Variants in GBP7 observed in about 807,000 individuals in gnomAD.
GBP7 encodes the protein guanylate binding protein 7.
GBP7 carries 43 observed loss-of-function variants against 61.3 expected under a neutral mutation model. The observed-to-expected ratio is 0.70, with a 90% CI of 0.55 to 0.91. GBP7 has a LOEUF of 0.91. Among genes scored for constraint, GBP7 ranks in the 40% least tolerant of loss-of-function variants. GBP7 has a pLI of 0.00. For missense variants in GBP7, 717 were observed against 740.5 expected (o/e 0.97, Z 0.37); for synonymous variants, 267 against 271.0 (o/e 0.99, Z 0.14).
chr1:89,152,226 C>G (rs1268505118), intron 5 of GBP7, 42 bp downstream of exon 5: 1 of 1,578,696 alleles, frequency 6.3e-7, no homozygotes, highest in South Asian at 1.1e-5. Context: ...GTTGATCCCA[C>G]CCGCTACTGA....
chr1:89,139,540 T>C (rs903399437), intron 9 of GBP7, among the ~76,000 whole-genome samples: 1 of 152,168 alleles, frequency 6.6e-6, no homozygotes, highest in Non-Finnish European at 1.5e-5. Flanking sequence ...TTTTGCAACC[T>C]ACTCATCTGA....
chr1:89,162,389 T>C (rs1261272731), intron 3 of GBP7, among the ~76,000 whole-genome samples: 2 of 152,234 alleles, frequency 1.3e-5, no homozygotes, highest in Non-Finnish European at 2.9e-5. Context: ...TTTAACAATA[T>C]TGATTCTGTC....
intron 3 of GBP7, among the ~76,000 whole-genome samples, chr1:89,157,034 C>T (rs1018906080): frequency 3.9e-5 from 6 of 152,172 alleles, no homozygotes; most frequent in African/African-American, 1.4e-4. Flanking sequence ...CAAACTAGAA[C>T]TCAGGATTAA....
In GBP7 at chr1:89,149,482, C is replaced by G. The variant is rs750432210; in HGVS notation, c.962G>C (p.Cys321Ser). Reference protein sequence around the residue: ...LENAMAVLAQCENSAAVQRAA... With the variant: ...LENAMAVLAQSENSAAVQRAA... ...CCTCTGCACGGCTGCTGAGTTCTCA[C>G]ACTGGGCCAGAACTGCCATTGCATT... Residue 321 changes from cysteine (C) to serine (S), a missense_variant, in exon 7 of 11, where the codon TGT becomes TCT. Coordinates refer to ENST00000294671, the MANE Select transcript of GBP7 (RefSeq NM_207398.3). 1 of 1,614,052 alleles carries G rather than the reference C, an allele frequency of 6.2e-7. No homozygotes were observed. Among genetic ancestry groups the G allele is most frequent in the Non-Finnish European group, 8.5e-7 (1 of 1,180,042 alleles).
chr1:89,168,657 A>G (rs1279824775), intron 2 of GBP7, among the ~76,000 whole-genome samples: 1 of 152,068 alleles, frequency 6.6e-6, no homozygotes, highest in African/African-American at 2.4e-5. Context: ...CAAACTGGCC[A>G]GGTGTGGTGG....
At chr1:89,150,671 C>T in intron 5 of GBP7, 96 bp from the exon 6 acceptor site, 1 of 1,239,200 alleles carries the variant, frequency 8.1e-7, no homozygotes, top group Non-Finnish European at 1.1e-6. Context: ...TCACTACAGT[C>T]TCTTGTGTCT....
chr1:89,157,898 A>G (rs750718509), intron 3 of GBP7, among the ~76,000 whole-genome samples: 1 of 152,208 alleles, frequency 6.6e-6, no homozygotes, highest in Non-Finnish European at 1.5e-5. Flanking sequence ...GGGCAGAGAC[A>G]CAACAGCAAA....
At chr1:89,172,661 C>T (rs72728722) in intron 1 of GBP7, among the ~76,000 whole-genome samples, 2,385 of 152,188 alleles carry the variant, frequency 0.016, 30 homozygotes, top group Non-Finnish European at 0.025. Context: ...TGCTTGCTGC[C>T]AGATTTCGCC....
chr1:89,147,826 G>T (rs1682104019), intron 7 of GBP7, 47 bp from the exon 8 acceptor site: 1 of 1,591,694 alleles, frequency 6.3e-7, no homozygotes, highest in East Asian at 2.2e-5. Context: ...GCTGTTAGAA[G>T]GGAAGGTCCA....
intron 5 of GBP7, 21 bp from the exon 6 acceptor site, chr1:89,150,596 T>C (rs776985741): frequency 1.9e-6 from 3 of 1,611,944 alleles, no homozygotes; most frequent in Non-Finnish European, 2.5e-6. Flanking sequence ...AGTGAAAAAG[T>C]GACTACTGAA....
chr1:89,155,066 A>G (rs1682282971), intron 3 of GBP7, among the ~76,000 whole-genome samples: 1 of 152,228 alleles, frequency 6.6e-6, no homozygotes, highest in Non-Finnish European at 1.5e-5. Context: ...TGCAGCCTCC[A>G]CTGGTGATAC....
intron 9 of GBP7, among the ~76,000 whole-genome samples, chr1:89,138,544 G>C (rs1448034626): frequency 5.1e-4 from 78 of 152,240 alleles, no homozygotes; most frequent in Non-Finnish European, 3.2e-4. Context: ...ACAACTATCT[G>C]ATCTTTGGTA....
rs1337620164 is a variant in GBP7, at chr1:89,141,440, T to C, written c.1468+106A>G. 8 of 895,960 alleles carry C rather than the reference T, an allele frequency of 8.9e-6. No homozygotes were observed. In the East Asian group the frequency reaches 1.8e-4, roughly 20 times the overall value. 55.5% of individuals were successfully genotyped at this position (895,960 alleles called of 1,614,324 possible). On this transcript the variant is annotated intron_variant, in intron 9 of 10. Coordinates refer to ENST00000294671, the MANE Select transcript of GBP7 (RefSeq NM_207398.3). ...CAGTTTTAGCAGAGCATGTGTTCCC[T>C]ATGAGAAGAAAGCTCCTGGTATAAG...
Position 89,150,604 on chromosome 1 carries a change from G to A in GBP7, c.626-29C>T. 5.6e-6 allele frequency: 9 copies of A among 1,609,948 alleles called. No individual in the cohort carries two copies. The South Asian group carries it at 6.6e-5, about 12-fold the overall frequency. ...CAGAATTAGTGAAAAAGTGACTACTGAAGAACAGGTTTTAAGTGAGCCTGA... is the reference window on the plus strand; with the variant it reads ...CAGAATTAGTGAAAAAGTGACTACTAAAGAACAGGTTTTAAGTGAGCCTGA... On this transcript the variant is annotated intron_variant, in intron 5 of 10. Transcript: ENST00000294671.
At chr1:89,165,360 C>T (rs1484906489) in intron 2 of GBP7, among the ~76,000 whole-genome samples, 1 of 152,036 alleles carries the variant, frequency 6.6e-6, no homozygotes, top group Non-Finnish European at 1.5e-5. Context: ...ATTAGCCAGG[C>T]ATGGTCGTGC....
At chr1:89,163,815 G>T (rs999506317) in intron 3 of GBP7, among the ~76,000 whole-genome samples, 1 of 151,416 alleles carries the variant, frequency 6.6e-6, no homozygotes, top group Non-Finnish European at 1.5e-5. Context: ...AATGTTCCCG[G>T]TATAGCTGGT....
Position 89,171,751 on chromosome 1 carries a change from T to A in GBP7, c.185A>T (p.Asn62Ile). The change falls in exon 2 of 11, where the codon AAC becomes ATC. Residue 62 changes from asparagine (N) to isoleucine (I), a missense_variant. Around this residue, in one of 3 missense-constraint regions of GBP7, gnomAD observed 387 missense variants for 385.2 expected, o/e 1.00. Coordinates refer to ENST00000294671, the MANE Select transcript of GBP7 (RefSeq NM_207398.3). Reference protein sequence around the residue: ...SYLMNKLAGKNKGFPLGCTVK... With the variant: ...SYLMNKLAGKIKGFPLGCTVK... ...GCTTTGCTGGTGCCACTCACCTTTG[T>A]TCTTCCCAGCCAGCTTGTTCATTAG... 6.2e-7 allele frequency: 1 copy of A among 1,612,924 alleles called. No individual in the cohort carries two copies. Among genetic ancestry groups the A allele is most frequent in the African/African-American group, 1.3e-5 (1 of 74,704 alleles).
intron 9 of GBP7, among the ~76,000 whole-genome samples, chr1:89,138,697 G>A (rs776123103): frequency 2.0e-5 from 3 of 151,992 alleles, no homozygotes. Context: ...AGTTAAAGAT[G>A]TAAATGTAAA....
chr1:89,156,134 T>C (rs1682311099), intron 3 of GBP7, among the ~76,000 whole-genome samples: 1 of 152,154 alleles, frequency 6.6e-6, no homozygotes, highest in Admixed American at 6.5e-5. Context: ...AATAAAATAC[T>C]TTACAGACAA....
Sources: gnomAD v4.1 joint callset for allele counts (sites outside exome capture counted in the v4.1 genomes callset) on GRCh38, gnomAD v4.1.1 for gene constraint, gnomAD v4.1.1 regional missense constraint, MANE v1.5 for transcripts, NCBI Gene and HGNC (gene_info 2026-07-23, HGNC 2026-07-21) for gene names.